GCLM: variants seen among roughly 807,000 people sequenced by gnomAD.
The protein encoded by GCLM is glutamate--cysteine ligase regulatory subunit.
A neutral mutation model predicts 36.0 loss-of-function variants in GCLM; 15 were observed. That is an observed-to-expected ratio of 0.42 (90% confidence interval 0.28 to 0.64). The LOEUF (loss-of-function observed/expected upper bound fraction) is 0.64. GCLM is among the 30% of genes least tolerant of loss of function. The pLI, the probability that GCLM is intolerant of heterozygous loss-of-function variation, is 0.25. For missense variants in GCLM, 242 were observed against 325.5 expected (o/e 0.74, Z 1.97); for synonymous variants, 129 against 122.8 (o/e 1.05, Z -0.34).
chr1:93,897,742 A>G (rs1656783767), intron 4 of GCLM, 97 bp downstream of exon 4: 1 of 637,608 alleles, frequency 1.6e-6, no homozygotes, highest in Non-Finnish European at 2.7e-6. Flanking sequence ...GAATCAACTC[A>G]TTTTCTTTTT....
intron 6 of GCLM, among the ~76,000 whole-genome samples, chr1:93,891,486 C>A (rs1404167136): frequency 6.6e-6 from 1 of 152,186 alleles, no homozygotes; most frequent in Non-Finnish European, 1.5e-5. Flanking sequence ...GATACTCTTT[C>A]TCCTTCAGCC....
Position 93,888,261 on chromosome 1 carries a change from G to C in GCLM, c.*729C>G, listed in dbSNP as rs1242817091. ...ATGGATCAATAATTTAAAAGAATCTGGATGGAGGTGACAGTAGTTGCTTTT... is the reference window on the plus strand; with the variant it reads ...ATGGATCAATAATTTAAAAGAATCTCGATGGAGGTGACAGTAGTTGCTTTT... On this transcript the variant is annotated 3_prime_UTR_variant, in exon 7 of 7. Transcript: ENST00000370238. 6.6e-6 allele frequency: 1 copy of C among 152,084 alleles called. No individual in the cohort carries two copies. Among genetic ancestry groups the C allele is most frequent in the East Asian group, 1.9e-4 (1 of 5,202 alleles). 9.4% of individuals were successfully genotyped at this position (152,084 alleles called of 1,614,324 possible). A position where few individuals can be genotyped will look rare whatever the true frequency, so the allele number is the denominator to read the frequency against.
chr1:93,896,877 T>G, intron 4 of GCLM, 57 bp from the exon 5 acceptor site: 1 of 962,366 alleles, frequency 1.0e-6, no homozygotes, highest in Non-Finnish European at 1.7e-6. Context: ...AACAAATATT[T>G]CTAATGTTTT....
In GCLM at chr1:93,895,641, C is replaced by T. The variant is rs562318237; in HGVS notation, c.541-913G>A. On this transcript the variant is annotated intron_variant, in intron 5 of 6. Transcript: ENST00000370238. The stretch of plus-strand genomic sequence containing the variant: ...CTATCATCAAGGAGAAGGGGAAATA[C>T]TTTCTCTAGGTCTTCCTGTCCATAA... Among the ~76,000 whole-genome samples the T allele has an allele frequency of 3.3e-5, 5 of 152,240 alleles. No individual in the cohort carries two copies. In the East Asian group the frequency reaches 9.7e-4, roughly 29 times the overall value.
chr1:93,906,730 T>A (rs1026543831), intron 1 of GCLM, among the ~76,000 whole-genome samples: 2 of 152,214 alleles, frequency 1.3e-5, no homozygotes, highest in Non-Finnish European at 2.9e-5. Context: ...TTAACATTAA[T>A]GTTTATGTTT....
Position 93,886,591 on chromosome 1 carries a change from T to A in GCLM, c.*2399A>T, listed in dbSNP as rs1480119688. The A allele has an allele frequency of 1.3e-5, 2 of 152,114 alleles. No individual in the cohort carries two copies. Among genetic ancestry groups the A allele is most frequent in the Non-Finnish European group, 2.9e-5 (2 of 68,020 alleles). 9.4% of individuals were successfully genotyped at this position (152,114 alleles called of 1,614,324 possible). ...TACATGATCCCCTTCAGAAAATGAATCTATAGTCTTGCTTCTTTGTCAAGA... is the reference window on the plus strand; with the variant it reads ...TACATGATCCCCTTCAGAAAATGAAACTATAGTCTTGCTTCTTTGTCAAGA... On this transcript the variant is annotated 3_prime_UTR_variant, in exon 7 of 7. Coordinates refer to ENST00000370238, the MANE Select transcript of GCLM (RefSeq NM_002061.4).
chr1:93,894,639 C>T lies in GCLM; in HGVS notation c.630G>A (p.Gln210=). 6.3e-7 allele frequency: 1 copy of T among 1,593,280 alleles called. No individual in the cohort carries two copies. The highest frequency in any genetic ancestry group is 8.6e-7 in the Non-Finnish European group (1 of 1,161,302). The change falls in exon 6 of 7, where the codon CAG becomes CAA. Residue 210 remains glutamine, a synonymous_variant. Coordinates refer to ENST00000370238, the MANE Select transcript of GCLM (RefSeq NM_002061.4). ...CTTTTGGATCATTGTGAGTCAACAG[C>T]TGTATGTCAAATTGTTTAGCAAATG... ...LTAFAKQFDI[Q]LLTHNDPKEL... is the part of the protein sequence containing the mutation.
chr1:93,895,174 CCAGCT>C (rs1436259703), intron 5 of GCLM, among the ~76,000 whole-genome samples: 3 of 151,896 alleles, frequency 2.0e-5, no homozygotes, highest in African/African-American at 4.8e-5. Context: ...GCCACCATGC[CCAGCT>C]AATTTTTTGT....
chr1:93,895,004 G>GTACTACAC (rs17879467), intron 5 of GCLM, among the ~76,000 whole-genome samples: 15,495 of 143,000 alleles, frequency 0.11, 1,338 homozygotes, highest in African/African-American at 0.22. Context: ...AAAGCCAACA[G>GTACTACAC]TACTACACTT....
intron 3 of GCLM, among the ~76,000 whole-genome samples, chr1:93,900,554 A>G (rs553183157): frequency 1.3e-5 from 2 of 152,310 alleles, no homozygotes; most frequent in East Asian, 1.9e-4. Flanking sequence ...ACAACCTTCA[A>G]GTTATTTAGT....
chr1:93,908,986 C>A (rs1288184543), intron 1 of GCLM, 52 bp downstream of exon 1: 11 of 1,368,444 alleles, frequency 8.0e-6, no homozygotes, highest in Non-Finnish European at 1.0e-5. Flanking sequence ...AACCGCCCGG[C>A]CCCGCCCGAG....
At chr1:93,890,913 G>A (rs935543515) in intron 6 of GCLM, among the ~76,000 whole-genome samples, 4 of 139,756 alleles carry the variant, frequency 2.9e-5, no homozygotes, top group Non-Finnish European at 6.1e-5. Flanking sequence ...GTCTTACTCT[G>A]TTGCCCAGGC....
At chr1:93,902,686 G>A (rs1249578468) in intron 2 of GCLM, among the ~76,000 whole-genome samples, 2 of 152,046 alleles carry the variant, frequency 1.3e-5, no homozygotes, top group Non-Finnish European at 2.9e-5. Context: ...CCCAAGTCCA[G>A]TTTATCTTAG....
intron 1 of GCLM, 129 bp from the exon 2 acceptor site, chr1:93,904,717 C>T (rs780642722): frequency 7.9e-6 from 5 of 631,662 alleles, no homozygotes; most frequent in African/African-American, 3.7e-5. Flanking sequence ...ATACAAACCC[C>T]AATTTTAATC....
chr1:93,890,269 T>C (rs1366487234), intron 6 of GCLM, among the ~76,000 whole-genome samples: 2 of 152,084 alleles, frequency 1.3e-5, no homozygotes, highest in Non-Finnish European at 2.9e-5. Flanking sequence ...TGTGTGATGG[T>C]AGGACAGAAG....
chr1:93,890,377 T>G lies in GCLM; in HGVS notation c.656-1218A>C, dbSNP rs373871512. ...AAGTTTAAATATACTAGTGTTATTA[T>G]CCAATGTATAGACTTTATATAATAC... On this transcript the variant is annotated intron_variant, in intron 6 of 6. Coordinates refer to ENST00000370238, the MANE Select transcript of GCLM (RefSeq NM_002061.4). 2.6e-5 allele frequency among the ~76,000 whole-genome samples: 4 copies of G among 152,248 alleles called. No homozygotes were observed. The South Asian group carries it at 8.3e-4, about 32-fold the overall frequency.
chr1:93,885,874 C>A lies in GCLM; in HGVS notation c.*3116G>T, dbSNP rs951266470. On this transcript the variant is annotated 3_prime_UTR_variant, in exon 7 of 7. Transcript: ENST00000370238. ...ACCTTTTATCATTGAAAATTAAGAT[C>A]CTAATTTTAGTTACTGCTTGGCTGT... 23 of 152,062 alleles carry A rather than the reference C, an allele frequency of 1.5e-4. No homozygotes were observed. Among genetic ancestry groups the A allele is most frequent in the Admixed American group, 7.2e-4 (11 of 15,264 alleles). 9.4% of individuals were successfully genotyped at this position (152,062 alleles called of 1,614,324 possible).
chr1:93,908,908 G>C (rs887269067), intron 1 of GCLM, 130 bp downstream of exon 1: 1 of 682,266 alleles, frequency 1.5e-6, no homozygotes, highest in Non-Finnish European at 2.1e-6. Flanking sequence ...ATCTGACCGC[G>C]GGCGGAGCCC....
intron 6 of GCLM, among the ~76,000 whole-genome samples, chr1:93,894,258 C>G (rs1656638639): frequency 8.7e-6 from 1 of 114,798 alleles, no homozygotes; most frequent in African/African-American, 4.8e-5. Flanking sequence ...GACTCCATCT[C>G]AAAACTAAAA....
Sources: allele counts gnomAD v4.1 joint callset (sites outside exome capture counted in the v4.1 genomes callset), GRCh38; gene constraint gnomAD v4.1.1; transcripts MANE v1.5; gene names NCBI Gene and HGNC (gene_info 2026-07-23, HGNC 2026-07-21).